Variants in KCTD16 observed in about 807,000 individuals in gnomAD.
KCTD16 encodes the protein BTB/POZ domain-containing protein KCTD16.
Under a neutral mutation model 33.2 loss-of-function variants are expected in KCTD16, and 13 were observed. That is an observed-to-expected ratio of 0.39 (90% CI 0.25 to 0.62). KCTD16 has a LOEUF of 0.62. KCTD16 is among the 20% of genes least tolerant of loss of function. The probability of loss-of-function intolerance (pLI) is 0.50; values close to 1 mark genes in which losing one functional copy is unlikely to be tolerated. For synonymous variants in KCTD16, 197 were observed against 195.3 expected (o/e 1.01, Z -0.07); for missense variants, 441 against 525.1 (o/e 0.84, Z 1.57).
At chr5:144,468,462 C>T (rs1033476092) in intron 3 of KCTD16, among the ~76,000 whole-genome samples, 1 of 152,202 alleles carries the variant, frequency 6.6e-6, no homozygotes, top group Admixed American at 6.5e-5. Context: ...CACTGGGCCC[C>T]TCCAAGACCA....
chr5:144,216,284 T>C (rs1006542485), intron 3 of KCTD16, among the ~76,000 whole-genome samples: 2 of 152,190 alleles, frequency 1.3e-5, no homozygotes, highest in Non-Finnish European at 2.9e-5. Flanking sequence ...GTAGCTGTGT[T>C]ATGTGGCATT....
chr5:144,387,854 T>A lies in KCTD16; in HGVS notation c.833-85806T>A, dbSNP rs1374414725. Among the ~76,000 whole-genome samples the A allele has an allele frequency of 2.0e-5, 3 of 152,266 alleles. No homozygotes were observed. In the East Asian group the frequency reaches 5.8e-4, roughly 29 times the overall value. ...CAACAACCCTATCATTGAAGAGTTTTTTAGAGCCCCTTCCCCCTTTTTAAC... is the reference window on the plus strand; with the variant it reads ...CAACAACCCTATCATTGAAGAGTTTATTAGAGCCCCTTCCCCCTTTTTAAC... On this transcript the variant is annotated intron_variant, in intron 3 of 3. Coordinates refer to ENST00000512467, the MANE Select transcript of KCTD16 (RefSeq NM_020768.4).
Position 144,281,966 on chromosome 5 carries a change from T to C in KCTD16, c.832+74420T>C, listed in dbSNP as rs182193473. 1.4e-4 allele frequency among the ~76,000 whole-genome samples: 21 copies of C among 152,370 alleles called. No homozygotes were observed. In the East Asian group the frequency reaches 3.8e-3, roughly 28 times the overall value. On this transcript the variant is annotated intron_variant, in intron 3 of 3. Coordinates refer to ENST00000512467, the MANE Select transcript of KCTD16 (RefSeq NM_020768.4). ...ATGTCCCTCTTTATCTCTGGTGTGA[T>C]ATTGTGAAATACATATTTGGTCTTT...
At chr5:144,224,555 C>T (rs975554256) in intron 3 of KCTD16, among the ~76,000 whole-genome samples, 13 of 151,864 alleles carry the variant, frequency 8.6e-5, no homozygotes, top group African/African-American at 1.5e-4. Flanking sequence ...AAAACACAGC[C>T]GGAACACTTT....
intron 3 of KCTD16, among the ~76,000 whole-genome samples, chr5:144,244,720 A>G (rs372938239): frequency 6.6e-6 from 1 of 152,140 alleles, no homozygotes; most frequent in Non-Finnish European, 1.5e-5. Flanking sequence ...CCCAATTCCT[A>G]GTTTCTCACT....
chr5:144,205,239 G>A (rs1427525186), intron 2 of KCTD16: 19 of 283,820 alleles, frequency 6.7e-5, no homozygotes, highest in Non-Finnish European at 7.1e-5. Context: ...GCCCACCGCC[G>A]GAGCGCGGCG....
intron 3 of KCTD16, among the ~76,000 whole-genome samples, chr5:144,214,495 A>G (rs987256357): frequency 6.6e-6 from 1 of 152,160 alleles, no homozygotes; most frequent in African/African-American, 2.4e-5. Context: ...CCTTTTGTGA[A>G]ATCGCTTCTG....
At chr5:144,389,708 G>C (rs1392885209) in intron 3 of KCTD16, among the ~76,000 whole-genome samples, 1 of 152,090 alleles carries the variant, frequency 6.6e-6, no homozygotes, top group Non-Finnish European at 1.5e-5. Context: ...CCAGTCCCCT[G>C]TGCCAAAACA....
intron 3 of KCTD16, among the ~76,000 whole-genome samples, chr5:144,293,701 C>T (rs1755957871): frequency 6.6e-6 from 1 of 152,152 alleles, no homozygotes; most frequent in African/African-American, 2.4e-5. Flanking sequence ...GATGAACTAA[C>T]CACAAAAGCA....
intron 3 of KCTD16, among the ~76,000 whole-genome samples, chr5:144,299,071 TA>T (rs1387808078): frequency 1.3e-4 from 10 of 78,808 alleles, no homozygotes; most frequent in East Asian, 2.9e-4. Flanking sequence ...TATATATATA[TA>T]TTTTTGTATA....
At chr5:144,366,143 G>T (rs1182720160) in intron 3 of KCTD16, among the ~76,000 whole-genome samples, 1 of 152,114 alleles carries the variant, frequency 6.6e-6, no homozygotes, top group Non-Finnish European at 1.5e-5. Flanking sequence ...AAGATTACCT[G>T]ATACCAAGAA....
chr5:144,313,574 C>T (rs937304403), intron 3 of KCTD16, among the ~76,000 whole-genome samples: 1 of 152,146 alleles, frequency 6.6e-6, no homozygotes, highest in Non-Finnish European at 1.5e-5. Context: ...GCAACTGATT[C>T]AGATTTACGA....
At chr5:144,299,077 TGTATATATATATCACTATG>T (rs1561558246) in intron 3 of KCTD16, among the ~76,000 whole-genome samples, 1 of 82,074 alleles carries the variant, frequency 1.2e-5, no homozygotes, top group African/African-American at 4.9e-5. Flanking sequence ...TATATATTTT[TGTATATATATATCACTATG>T]TATATATATA....
intron 3 of KCTD16, among the ~76,000 whole-genome samples, chr5:144,286,116 T>C (rs891291757): frequency 6.6e-6 from 1 of 152,168 alleles, no homozygotes; most frequent in African/African-American, 2.4e-5. Context: ...ATTTATTTGT[T>C]TTTTTCGCTT....
intron 3 of KCTD16, among the ~76,000 whole-genome samples, chr5:144,248,619 A>G (rs564678419): frequency 6.6e-6 from 1 of 152,352 alleles, no homozygotes; most frequent in African/African-American, 2.4e-5. Context: ...AGGGAGACCC[A>G]TTAGGAGGCC....
At chr5:144,473,503 C>T (rs929135806) in intron 3 of KCTD16, among the ~76,000 whole-genome samples, 157 bp from the exon 4 acceptor site, 1 of 152,096 alleles carries the variant, frequency 6.6e-6, no homozygotes, top group African/African-American at 2.4e-5. Context: ...TTGGGTGCAC[C>T]TGTTGCAGCC....
At chr5:144,387,493 T>C (rs924142548) in intron 3 of KCTD16, among the ~76,000 whole-genome samples, 6 of 152,110 alleles carry the variant, frequency 3.9e-5, no homozygotes, top group Admixed American at 2.6e-4. Flanking sequence ...TACCCAAGGG[T>C]AATAATTTTT....
chr5:144,232,767 T>C (rs1754141565), intron 3 of KCTD16, among the ~76,000 whole-genome samples: 1 of 152,214 alleles, frequency 6.6e-6, no homozygotes, highest in Non-Finnish European at 1.5e-5. Context: ...TAAAATTAAC[T>C]TGAATAAAAC....
chr5:144,319,727 A>C (rs1752023860), intron 3 of KCTD16, among the ~76,000 whole-genome samples: 1 of 152,184 alleles, frequency 6.6e-6, no homozygotes, highest in Admixed American at 6.5e-5. Flanking sequence ...TAGTCTTTCT[A>C]GAATAAGTCT....
Sources: allele counts gnomAD v4.1 joint callset (sites outside exome capture counted in the v4.1 genomes callset), GRCh38; gene constraint gnomAD v4.1.1; transcripts MANE v1.5; gene names NCBI Gene and HGNC (gene_info 2026-07-23, HGNC 2026-07-21).